Variants in CCDC102B observed in about 807,000 individuals in gnomAD.
CCDC102B encodes coiled-coil domain-containing protein 102B.
Under a neutral mutation model 57.4 loss-of-function variants are expected in CCDC102B, and 75 were observed. The observed-to-expected ratio is 1.31, with a 90% CI of 1.08 to 1.58. CCDC102B has a LOEUF of 1.58. CCDC102B is among the 40% of genes most tolerant of loss of function. CCDC102B has a pLI of 0.00. For missense variants in CCDC102B, 636 were observed against 582.6 expected (o/e 1.09, Z -0.94); for synonymous variants, 206 against 201.9 (o/e 1.02, Z -0.17).
At chr18:68,981,169 A>C (rs2050570445) in intron 6 of CCDC102B, among the ~76,000 whole-genome samples, 1 of 152,086 alleles carries the variant, frequency 6.6e-6, no homozygotes, top group Non-Finnish European at 1.5e-5. Context: ...TAAAACTTAC[A>C]GATAGCAAAC....
At chr18:69,024,391 T>C (rs1167340457) in intron 7 of CCDC102B, among the ~76,000 whole-genome samples, 1 of 152,096 alleles carries the variant, frequency 6.6e-6, no homozygotes, top group Non-Finnish European at 1.5e-5. Context: ...AGCTATTTTA[T>C]CTTACATTAC....
At chr18:68,722,536 A>G (rs2032391598) in intron 2 of CCDC102B, among the ~76,000 whole-genome samples, 2 of 152,238 alleles carry the variant, frequency 1.3e-5, no homozygotes, top group Admixed American at 1.3e-4. Flanking sequence ...TCCTCCTACC[A>G]GACTTCAAGA....
intron 4 of CCDC102B, among the ~76,000 whole-genome samples, chr18:68,851,140 C>T (rs1035267031): frequency 6.6e-6 from 1 of 152,148 alleles, no homozygotes; most frequent in East Asian, 1.9e-4. Context: ...GAATGAAGCA[C>T]TGTACTAACA....
At chr18:68,978,085 C>T (rs2050488019) in intron 6 of CCDC102B, among the ~76,000 whole-genome samples, 4 of 152,140 alleles carry the variant, frequency 2.6e-5, no homozygotes, top group South Asian at 2.1e-4. Context: ...GTGCTACCAA[C>T]ATATAATTAA....
At chr18:68,773,880 C>A (rs938586231) in intron 2 of CCDC102B, among the ~76,000 whole-genome samples, 5 of 151,960 alleles carry the variant, frequency 3.3e-5, no homozygotes, top group African/African-American at 1.2e-4. Context: ...TTTATATTAA[C>A]TCAGTCACAC....
At chr18:69,014,606 G>C (rs1044995556) in intron 7 of CCDC102B, among the ~76,000 whole-genome samples, 4 of 151,774 alleles carry the variant, frequency 2.6e-5, no homozygotes, top group African/African-American at 9.7e-5. Context: ...TGTGTGTTGG[G>C]GGGGCGGGGT....
At chr18:68,765,496 GAAGAAAGC>G (rs1242456636) in intron 2 of CCDC102B, among the ~76,000 whole-genome samples, 2 of 151,554 alleles carry the variant, frequency 1.3e-5, no homozygotes, top group Non-Finnish European at 2.9e-5. Context: ...AAGAAAGAAA[GAAGAAAGC>G]AAGAAAGAAA....
chr18:69,051,527 G>T (rs1044558112), intron 7 of CCDC102B, among the ~76,000 whole-genome samples: 10 of 151,932 alleles, frequency 6.6e-5, no homozygotes, highest in Admixed American at 2.0e-4. Flanking sequence ...CATGAAATTT[G>T]CTATGTTGTT....
chr18:68,818,724 C>A (rs2036585650), intron 1 of CCDC102B, among the ~76,000 whole-genome samples: 1 of 152,106 alleles, frequency 6.6e-6, no homozygotes, highest in Non-Finnish European at 1.5e-5. Context: ...TGTTGTTACA[C>A]AGTAACTATG....
At chr18:68,969,502 T>C (rs1476596766) in intron 6 of CCDC102B, among the ~76,000 whole-genome samples, 2 of 151,372 alleles carry the variant, frequency 1.3e-5, no homozygotes, top group African/African-American at 2.4e-5. Flanking sequence ...TCGTTCCTTG[T>C]AGGCAACCAT....
chr18:68,829,112 G>A (rs150795992), intron 1 of CCDC102B, among the ~76,000 whole-genome samples: 11 of 151,534 alleles, frequency 7.3e-5, no homozygotes, highest in Non-Finnish European at 1.2e-4. Context: ...TGGAGGAGCT[G>A]GGCTTTTAAA....
intron 4 of CCDC102B, among the ~76,000 whole-genome samples, chr18:68,863,657 A>G (rs1488325031): frequency 2.0e-5 from 3 of 151,974 alleles, no homozygotes; most frequent in Non-Finnish European, 4.4e-5. Context: ...CATTTCTTTA[A>G]CCAAGTAACA....
At chr18:69,027,580 C>T (rs754823113) in intron 7 of CCDC102B, among the ~76,000 whole-genome samples, 7 of 151,892 alleles carry the variant, frequency 4.6e-5, no homozygotes, top group Non-Finnish European at 1.0e-4. Context: ...AAAGCTCTGA[C>T]AGTTTGTTTA....
intron 6 of CCDC102B, among the ~76,000 whole-genome samples, chr18:68,997,769 A>G (rs1244983529): frequency 3.3e-5 from 5 of 151,914 alleles, no homozygotes; most frequent in Admixed American, 3.3e-4. Flanking sequence ...TTTTACCCCA[A>G]ATCTGTCCTT....
At chr18:68,783,643 T>C (rs1039559035) in intron 2 of CCDC102B, among the ~76,000 whole-genome samples, 1 of 152,212 alleles carries the variant, frequency 6.6e-6, no homozygotes, top group Non-Finnish European at 1.5e-5. Flanking sequence ...TTGGGTGATG[T>C]AGTTTCCCAT....
intron 2 of CCDC102B, among the ~76,000 whole-genome samples, chr18:68,782,898 G>GT (rs1339122253): frequency 2.0e-5 from 3 of 152,040 alleles, no homozygotes; most frequent in African/African-American, 7.2e-5. Flanking sequence ...AAATTTAACC[G>GT]TATGTGAGGC....
chr18:69,018,781 G>A (rs754335857), intron 7 of CCDC102B, among the ~76,000 whole-genome samples: 16 of 151,226 alleles, frequency 1.1e-4, no homozygotes, highest in East Asian at 3.9e-4. Context: ...GTTCTAATTC[G>A]TTTATTTTTG....
At chr18:68,957,358 C>G (rs1240837334) in intron 6 of CCDC102B, among the ~76,000 whole-genome samples, 1 of 151,998 alleles carries the variant, frequency 6.6e-6, no homozygotes, top group African/African-American at 2.4e-5. Flanking sequence ...AGCATCATTT[C>G]TTAAAGAGAC....
intron 7 of CCDC102B, among the ~76,000 whole-genome samples, chr18:69,026,263 C>T (rs1021743156): frequency 3.3e-5 from 5 of 151,970 alleles, no homozygotes; most frequent in African/African-American, 1.2e-4. Context: ...GTCAGGAGTT[C>T]GAGACCAGCC....
Sources: allele counts gnomAD v4.1 joint callset (sites outside exome capture counted in the v4.1 genomes callset), GRCh38; gene constraint gnomAD v4.1.1; transcripts MANE v1.5; gene names NCBI Gene and HGNC (gene_info 2026-07-23, HGNC 2026-07-21).